Variants in PTPRR observed in about 807,000 individuals in gnomAD.
The protein encoded by PTPRR is protein tyrosine phosphatase receptor type R.
A neutral mutation model predicts 77.2 loss-of-function variants in PTPRR; 38 were observed. The observed-to-expected ratio is 0.49, with a 90% CI of 0.38 to 0.65. The LOEUF is 0.65. Ranked by LOEUF, PTPRR falls within the 30% of genes least tolerant of loss-of-function variation. The probability of loss-of-function intolerance (pLI) is 0.00; values close to 1 mark genes in which losing one functional copy is unlikely to be tolerated. For synonymous variants in PTPRR, 299 were observed against 283.1 expected, an observed-to-expected ratio of 1.06 and a Z score of -0.57; for missense variants, 744 against 799.2, an observed-to-expected ratio of 0.93 and a Z score of 0.83.
chr12:70,841,276 C>T (rs1292823974), intron 2 of PTPRR, among the ~76,000 whole-genome samples: 1 of 152,150 alleles, frequency 6.6e-6, no homozygotes, highest in Non-Finnish European at 1.5e-5. Context: ...AAGTAAAATA[C>T]AGCTTCTCGG....
chr12:70,664,559 G>A (rs1408156756), intron 10 of PTPRR: 4 of 152,266 alleles, frequency 2.6e-5, no homozygotes, highest in Non-Finnish European at 5.9e-5. Context: ...CTTTAGGAAG[G>A]TGGCTCTCAA....
rs774678557 is a variant in PTPRR, at chr12:70,662,489, T to C, written c.1608+6A>G. The stretch of plus-strand genomic sequence containing the variant: ...TTTGTAGATGGCTATAGCTACATAA[T>C]CTTACCTTTAAGACAAGGTTTCGAA... On this transcript the variant is annotated splice_donor_region_variant and intron_variant, in intron 11 of 13. Transcript: ENST00000283228. 6.5e-7 allele frequency: 1 copy of C among 1,548,698 alleles called. No homozygotes were observed. Among genetic ancestry groups the C allele is most frequent in the Non-Finnish European group, 8.9e-7 (1 of 1,124,084 alleles).
intron 1 of PTPRR, among the ~76,000 whole-genome samples, chr12:70,909,308 C>A (rs1040437565): frequency 9.2e-5 from 14 of 152,148 alleles, no homozygotes; most frequent in Non-Finnish European, 1.3e-4. Context: ...TACCCTCCCC[C>A]ACCACACACA....
intron 6 of PTPRR, among the ~76,000 whole-genome samples, chr12:70,729,823 A>G (rs896435095): frequency 2.0e-5 from 3 of 152,114 alleles, no homozygotes; most frequent in Non-Finnish European, 2.9e-5. Context: ...ATGAAGAATC[A>G]TAATGATTTA....
Position 70,812,502 on chromosome 12 carries a change from T to C in PTPRR, c.358-47724A>G, listed in dbSNP as rs541455308. On this transcript the variant is annotated intron_variant, in intron 2 of 13. Transcript: ENST00000283228. ...TTAATTCCTCAAGGAATAGGTTTAT[T>C]TTCTGCCATGTGATCACCTCTAATA... 8.5e-5 allele frequency among the ~76,000 whole-genome samples: 13 copies of C among 152,348 alleles called. No homozygotes were observed. The South Asian group carries it at 2.7e-3, about 32-fold the overall frequency.
intron 2 of PTPRR, among the ~76,000 whole-genome samples, chr12:70,889,443 G>T (rs1357179733): frequency 6.6e-6 from 1 of 152,188 alleles, no homozygotes; most frequent in Non-Finnish European, 1.5e-5. Context: ...CCCGAGTTTA[G>T]AATGTAATTA....
At chr12:70,816,817 C>T (rs1433871742) in intron 2 of PTPRR, among the ~76,000 whole-genome samples, 1 of 151,906 alleles carries the variant, frequency 6.6e-6, no homozygotes, top group Non-Finnish European at 1.5e-5. Context: ...CTATGTTTTT[C>T]AACTTCTAAG....
intron 2 of PTPRR, among the ~76,000 whole-genome samples, chr12:70,873,245 A>G (rs1443567024): frequency 6.6e-6 from 1 of 152,272 alleles, no homozygotes; most frequent in South Asian, 2.1e-4. Context: ...CAAAATGATC[A>G]GGCTGCCAGC....
intron 2 of PTPRR, among the ~76,000 whole-genome samples, chr12:70,787,386 T>C (rs1314962568): frequency 6.6e-6 from 1 of 152,188 alleles, no homozygotes; most frequent in Admixed American, 6.5e-5. Flanking sequence ...TAATTCGCAA[T>C]AGCAATTTTT....
At chr12:70,769,224 C>T in intron 2 of PTPRR, among the ~76,000 whole-genome samples, 2 of 150,356 alleles carry the variant, frequency 1.3e-5, no homozygotes, top group African/African-American at 2.5e-5. Flanking sequence ...CAAATTGTCC[C>T]TGTTTGCAGA....
intron 2 of PTPRR, among the ~76,000 whole-genome samples, chr12:70,836,306 GTT>G (rs5799004): frequency 7.1e-6 from 1 of 141,172 alleles, no homozygotes. Flanking sequence ...CAAGACATGT[GTT>G]TTTTTTTTTT....
At chr12:70,681,536 G>C (rs576394469) in intron 10 of PTPRR, among the ~76,000 whole-genome samples, 1 of 152,158 alleles carries the variant, frequency 6.6e-6, no homozygotes, top group African/African-American at 2.4e-5. Flanking sequence ...TGGGGAGATG[G>C]CGGTGTGGCA....
chr12:70,711,325 G>C (rs929087224), intron 6 of PTPRR, among the ~76,000 whole-genome samples: 2 of 152,058 alleles, frequency 1.3e-5, no homozygotes, highest in Non-Finnish European at 2.9e-5. Context: ...TCCCTTATAA[G>C]TGGGTGCTAA....
At chr12:70,801,619 G>A (rs113996132) in intron 2 of PTPRR, among the ~76,000 whole-genome samples, 1 of 152,244 alleles carries the variant, frequency 6.6e-6, no homozygotes, top group African/African-American at 2.4e-5. Flanking sequence ...CAGCTCTCCT[G>A]GTTTTCAGGC....
intron 2 of PTPRR, among the ~76,000 whole-genome samples, chr12:70,823,577 T>C (rs961061009): frequency 2.0e-5 from 3 of 152,250 alleles, no homozygotes; most frequent in Admixed American, 6.5e-5. Context: ...CTTATTATGT[T>C]CCTCTCCTAA....
intron 10 of PTPRR, among the ~76,000 whole-genome samples, chr12:70,675,042 A>G (rs1274631807): frequency 2.0e-5 from 3 of 152,052 alleles, no homozygotes; most frequent in Admixed American, 6.5e-5. Flanking sequence ...ATTCATTTTC[A>G]TCTGACATTC....
At chr12:70,858,540 T>G (rs1892692217) in intron 2 of PTPRR, among the ~76,000 whole-genome samples, 1 of 151,580 alleles carries the variant, frequency 6.6e-6, no homozygotes, top group South Asian at 2.1e-4. Flanking sequence ...GAGAGAAAAC[T>G]ATCAGGTTTC....
chr12:70,728,555 A>G (rs1309464158), intron 6 of PTPRR, among the ~76,000 whole-genome samples: 1 of 134,942 alleles, frequency 7.4e-6, no homozygotes, highest in Non-Finnish European at 1.6e-5. Flanking sequence ...ATATATATAT[A>G]TATATATATG....
At chr12:70,686,744 A>C (rs911424880) in intron 8 of PTPRR, among the ~76,000 whole-genome samples, 1 of 152,186 alleles carries the variant, frequency 6.6e-6, no homozygotes, top group Non-Finnish European at 1.5e-5. Context: ...TCTTAGAAGC[A>C]GATCCCTCAG....
Sources: allele counts gnomAD v4.1 joint callset (sites outside exome capture counted in the v4.1 genomes callset), GRCh38; gene constraint gnomAD v4.1.1; transcripts MANE v1.5; gene names NCBI Gene and HGNC (gene_info 2026-07-23, HGNC 2026-07-21).